ESF1: variants seen among roughly 807,000 people sequenced by gnomAD.
The protein encoded by ESF1 is ESF1 homolog.
In ESF1, 58 loss-of-function variants were observed where a neutral mutation model predicts 92.0. That is an observed-to-expected ratio of 0.63 (90% CI 0.51 to 0.78). The LOEUF (loss-of-function observed/expected upper bound fraction) is 0.78, where lower values mean the gene tolerates loss of function less well. ESF1 is among the 30% of genes least tolerant of loss of function. The pLI is 0.00. For missense variants in ESF1, 922 were observed against 989.1 expected (o/e 0.93, Z 0.91); for synonymous variants, 321 against 313.7 (o/e 1.02, Z -0.24).
At chr20:13,772,419 T>C (rs1450293918) in intron 5 of ESF1, 96 bp downstream of exon 5, 2 of 901,068 alleles carry the variant, frequency 2.2e-6, no homozygotes, top group East Asian at 4.8e-5. Context: ...ATGGCACAAG[T>C]ATAAACTTTA....
intron 12 of ESF1, among the ~76,000 whole-genome samples, chr20:13,717,961 T>G (rs978070294): frequency 9.9e-5 from 15 of 152,180 alleles, no homozygotes; most frequent in African/African-American, 3.4e-4. Context: ...TTTTGCTTTT[T>G]TTTTTTTGGC....
chr20:13,722,849 C>T (rs549292168), intron 11 of ESF1, among the ~76,000 whole-genome samples: 12 of 151,010 alleles, frequency 7.9e-5, no homozygotes, highest in African/African-American at 2.9e-4. Flanking sequence ...GAGCAAAATG[C>T]TGTCAAAAAA....
intron 11 of ESF1, among the ~76,000 whole-genome samples, chr20:13,721,962 A>C (rs1384523930): frequency 6.6e-6 from 1 of 152,180 alleles, no homozygotes; most frequent in Non-Finnish European, 1.5e-5. Flanking sequence ...CCACTTGCTT[A>C]GGGTATGAAC....
chr20:13,739,771 A>C (rs754416063), intron 9 of ESF1, among the ~76,000 whole-genome samples: 7 of 151,982 alleles, frequency 4.6e-5, no homozygotes, highest in Non-Finnish European at 1.0e-4. Context: ...ACTAGATTAG[A>C]AGCAAGGAGT....
intron 11 of ESF1, among the ~76,000 whole-genome samples, chr20:13,727,126 A>T (rs2049905556): frequency 6.6e-6 from 1 of 152,222 alleles, no homozygotes; most frequent in Non-Finnish European, 1.5e-5. Context: ...ATTTGACCAG[A>T]CTTCACATGC....
intron 2 of ESF1, among the ~76,000 whole-genome samples, chr20:13,782,042 A>AT (rs988664387): frequency 4.6e-5 from 7 of 151,128 alleles, no homozygotes; most frequent in South Asian, 2.1e-4. Flanking sequence ...ATGCCTGGCT[A>AT]TTTTTTTTTA....
chr20:13,736,162 T>C (rs1255609051), intron 9 of ESF1, among the ~76,000 whole-genome samples: 1 of 152,174 alleles, frequency 6.6e-6, no homozygotes, highest in Non-Finnish European at 1.5e-5. Flanking sequence ...TTCAGTATTA[T>C]TGTTATTTTG....
intron 9 of ESF1, among the ~76,000 whole-genome samples, chr20:13,750,375 T>C (rs1264630644): frequency 6.6e-6 from 1 of 152,042 alleles, no homozygotes; most frequent in African/African-American, 2.4e-5. Context: ...TGTGGTGACG[T>C]GTGCCTGTAG....
At chr20:13,722,853 CAAAAAAAGAAGAAA>C in intron 11 of ESF1, among the ~76,000 whole-genome samples, 1 of 146,282 alleles carries the variant, frequency 6.8e-6, no homozygotes, top group African/African-American at 2.5e-5. Flanking sequence ...AAAATGCTGT[CAAAAAAAGAAGAAA>C]AAAAAAAGAA....
intron 12 of ESF1, among the ~76,000 whole-genome samples, chr20:13,718,613 G>A (rs2049846399): frequency 2.0e-5 from 3 of 152,066 alleles, no homozygotes; most frequent in Admixed American, 2.0e-4. Flanking sequence ...TCTGCCTCAG[G>A]TATAGTAAGT....
chr20:13,721,627 CAA>C lies in ESF1; in HGVS notation c.2039-2645_2039-2644del, dbSNP rs376545099. 8.9e-3 allele frequency among the ~76,000 whole-genome samples: 1,352 copies of C among 152,272 alleles called. 6 individuals are homozygous for C. The highest frequency in any genetic ancestry group is 0.018 in the South Asian group (87 of 4,812). On this transcript the variant is annotated intron_variant, in intron 11 of 13. Coordinates refer to ENST00000617257, the MANE Select transcript of ESF1 (RefSeq NM_001276380.2). Reference sequence around the variant, plus strand: ...TAACATGATAAGCAAAACCTAAAGTCAAAAGAGGCTTTAGAAACTCCTCTGTG... The same window carrying C: ...TAACATGATAAGCAAAACCTAAAGTCAAGAGGCTTTAGAAACTCCTCTGTG...
chr20:13,739,284 C>T (rs538685120), intron 9 of ESF1, among the ~76,000 whole-genome samples: 9 of 152,226 alleles, frequency 5.9e-5, no homozygotes, highest in African/African-American at 2.2e-4. Context: ...TCTTCCAAAT[C>T]GCCTTTTACT....
intron 9 of ESF1, among the ~76,000 whole-genome samples, chr20:13,735,386 T>C (rs1438980556): frequency 6.6e-6 from 1 of 152,094 alleles, no homozygotes; most frequent in African/African-American, 2.4e-5. Context: ...GGATGCCAAA[T>C]CAGAACACAA....
chr20:13,739,528 C>T (rs1021503305), intron 9 of ESF1, among the ~76,000 whole-genome samples: 7 of 152,114 alleles, frequency 4.6e-5, no homozygotes, highest in Admixed American at 3.9e-4. Context: ...TATCCTAGTA[C>T]TGATAAACTA....
At chr20:13,776,604 G>C (rs1424657839) in intron 2 of ESF1, among the ~76,000 whole-genome samples, 1 of 152,182 alleles carries the variant, frequency 6.6e-6, no homozygotes, top group Non-Finnish European at 1.5e-5. Context: ...GTTGGTAAAA[G>C]AGAAGCAAAC....
At chr20:13,743,979 TC>T (rs1380870033) in intron 9 of ESF1, among the ~76,000 whole-genome samples, 5 of 152,224 alleles carry the variant, frequency 3.3e-5, no homozygotes, top group Non-Finnish European at 7.3e-5. Context: ...AATGGTTTCC[TC>T]AAGTATGGAG....
chr20:13,780,414 C>CCA (rs1368318396), intron 2 of ESF1, among the ~76,000 whole-genome samples: 2 of 152,186 alleles, frequency 1.3e-5, no homozygotes, highest in South Asian at 4.1e-4. Context: ...CGGTCCCACT[C>CCA]CAATCTTATT....
intron 8 of ESF1, 126 bp downstream of exon 8, chr20:13,766,648 TCAA>T: frequency 1.2e-6 from 1 of 810,448 alleles, no homozygotes; most frequent in Non-Finnish European, 1.8e-6. Flanking sequence ...TTTAAAAAAA[TCAA>T]TCACTATCTA....
intron 11 of ESF1, among the ~76,000 whole-genome samples, chr20:13,722,962 T>TA (rs2049878040): frequency 2.6e-5 from 4 of 152,296 alleles, no homozygotes; most frequent in African/African-American, 9.6e-5. Flanking sequence ...AGTCAGATAT[T>TA]AGAGTTTTAC....
Sources: gnomAD v4.1 joint callset for allele counts (sites outside exome capture counted in the v4.1 genomes callset) on GRCh38, gnomAD v4.1.1 for gene constraint, MANE v1.5 for transcripts, NCBI Gene and HGNC (gene_info 2026-07-23, HGNC 2026-07-21) for gene names.